Variants in CSMD1 observed in about 807,000 individuals in gnomAD.
The protein encoded by CSMD1 is CUB and sushi domain-containing protein 1.
Under a neutral mutation model 417.5 loss-of-function variants are expected in CSMD1, and 213 were observed. That is an observed-to-expected ratio of 0.51 (90% CI 0.46 to 0.57). The LOEUF (loss-of-function observed/expected upper bound fraction) is 0.57, where lower values mean the gene tolerates loss of function less well. CSMD1 is among the 20% of genes least tolerant of loss of function. The pLI is 0.00. For missense variants in CSMD1, 6,923 were observed against 4,529.7 expected, an observed-to-expected ratio of 1.53 and a Z score of -15.17; for synonymous variants, 2,862 against 1,736.8, an observed-to-expected ratio of 1.65 and a Z score of -16.11.
chr8:4,502,670 G>A (rs1483184708), intron 2 of CSMD1, among the ~76,000 whole-genome samples: 1 of 152,056 alleles, frequency 6.6e-6, no homozygotes, highest in Non-Finnish European at 1.5e-5. Flanking sequence ...AGCATTTCTT[G>A]TTGAGTTTTC....
chr8:3,156,924 A>G (rs1463954681), intron 39 of CSMD1, among the ~76,000 whole-genome samples: 1 of 147,608 alleles, frequency 6.8e-6, no homozygotes, highest in Non-Finnish European at 1.5e-5. Context: ...AGGAGTGAGA[A>G]GTCACTTGGA....
chr8:4,698,774 C>T (rs1036063819), intron 1 of CSMD1, among the ~76,000 whole-genome samples: 3 of 151,954 alleles, frequency 2.0e-5, no homozygotes, highest in African/African-American at 7.2e-5. Flanking sequence ...AAAAATTCCA[C>T]CATATAAAAA....
intron 5 of CSMD1, among the ~76,000 whole-genome samples, chr8:3,896,887 C>T (rs1249467262): frequency 6.6e-6 from 1 of 151,934 alleles, no homozygotes; most frequent in Non-Finnish European, 1.5e-5. Context: ...TCACCTAATT[C>T]TATTTGATGT....
chr8:4,412,927 T>C (rs922787186), intron 3 of CSMD1, among the ~76,000 whole-genome samples: 3 of 152,290 alleles, frequency 2.0e-5, no homozygotes, highest in East Asian at 1.9e-4. Flanking sequence ...AAAAGAAAAG[T>C]TGACGCCTCA....
intron 37 of CSMD1, among the ~76,000 whole-genome samples, chr8:3,174,059 G>C (rs943331885): frequency 2.6e-5 from 4 of 152,286 alleles, no homozygotes; most frequent in African/African-American, 7.2e-5. Context: ...GTGAAAACAA[G>C]AATTAAGGAA....
chr8:3,473,780 G>A lies in CSMD1; in HGVS notation c.1449-4956C>T, dbSNP rs534408117. 9.2e-5 allele frequency among the ~76,000 whole-genome samples: 14 copies of A among 152,228 alleles called. No homozygotes were observed. The South Asian group carries it at 2.9e-3, about 32-fold the overall frequency. On this transcript the variant is annotated intron_variant, in intron 11 of 69. Coordinates refer to ENST00000635120, the MANE Select transcript of CSMD1 (RefSeq NM_033225.6). Reference sequence around the variant, plus strand: ...TATCAGTCTACTCTCACACTGCTATGAAGATATTATCCAAGACCTAGAGAC... The same window carrying A: ...TATCAGTCTACTCTCACACTGCTATAAAGATATTATCCAAGACCTAGAGAC...
chr8:4,493,950 G>C (rs150045123), intron 2 of CSMD1, among the ~76,000 whole-genome samples: 1 of 152,062 alleles, frequency 6.6e-6, no homozygotes, highest in Non-Finnish European at 1.5e-5. Context: ...TGGTTAAAAA[G>C]GTCAACTTGG....
intron 46 of CSMD1, 39 bp from the exon 47 acceptor site, chr8:3,097,076 A>C: frequency 1.4e-6 from 2 of 1,437,566 alleles, no homozygotes; most frequent in Non-Finnish European, 1.9e-6. Context: ...GCTTTAATAA[A>C]ATGATTCCAA....
At chr8:3,300,801 CAA>C in intron 25 of CSMD1, among the ~76,000 whole-genome samples, 1 of 148,452 alleles carries the variant, frequency 6.7e-6, no homozygotes, top group South Asian at 2.1e-4. Flanking sequence ...ACTAAAAATA[CAA>C]AAAAAATTAG....
chr8:4,203,828 C>G (rs899427900), intron 3 of CSMD1, among the ~76,000 whole-genome samples: 1 of 152,096 alleles, frequency 6.6e-6, no homozygotes, highest in Admixed American at 6.5e-5. Flanking sequence ...GGTCAGGAGT[C>G]ATGGCTCATA....
At chr8:4,318,240 G>A (rs903938648) in intron 3 of CSMD1, among the ~76,000 whole-genome samples, 11 of 152,046 alleles carry the variant, frequency 7.2e-5, no homozygotes, top group African/African-American at 2.2e-4. Context: ...TGTCACTGTA[G>A]AAAGAAATGA....
intron 23 of CSMD1, among the ~76,000 whole-genome samples, chr8:3,311,991 A>C (rs1446125374): frequency 6.6e-6 from 1 of 152,220 alleles, no homozygotes; most frequent in African/African-American, 2.4e-5. Context: ...CAAAGTTCTA[A>C]AATCCAAAAA....
At chr8:4,638,332 A>T (rs534235861) in intron 1 of CSMD1, among the ~76,000 whole-genome samples, 2 of 152,196 alleles carry the variant, frequency 1.3e-5, no homozygotes, top group Admixed American at 6.5e-5. Context: ...GAATAGTTAG[A>T]AAAAAACAAG....
chr8:4,834,752 C>G (rs187111052), intron 1 of CSMD1, among the ~76,000 whole-genome samples: 1,556 of 151,416 alleles, frequency 0.01, 6 homozygotes, highest in Non-Finnish European at 0.015. Context: ...ATCAGGAGAT[C>G]GAGACCATCC....
At chr8:3,873,054 C>G (rs1040132165) in intron 5 of CSMD1, among the ~76,000 whole-genome samples, 1 of 151,992 alleles carries the variant, frequency 6.6e-6, no homozygotes, top group African/African-American at 2.4e-5. Context: ...CAAACAACAA[C>G]AGATGCTGGC....
intron 2 of CSMD1, among the ~76,000 whole-genome samples, chr8:4,454,071 C>G (rs986133065): frequency 6.6e-6 from 1 of 152,078 alleles, no homozygotes; most frequent in Non-Finnish European, 1.5e-5. Context: ...ATCCGCCCGC[C>G]TCGGCCTCCC....
chr8:3,847,626 C>T (rs917285212), intron 5 of CSMD1, among the ~76,000 whole-genome samples: 2 of 152,062 alleles, frequency 1.3e-5, no homozygotes, highest in South Asian at 2.1e-4. Context: ...CCGATGGAGC[C>T]CCGAGAAAAC....
chr8:4,133,758 C>T (rs1171325106), intron 3 of CSMD1, among the ~76,000 whole-genome samples: 6 of 151,940 alleles, frequency 3.9e-5, no homozygotes, highest in Admixed American at 3.9e-4. Flanking sequence ...ATTTTATATC[C>T]CTGATAATCT....
intron 7 of CSMD1, among the ~76,000 whole-genome samples, chr8:3,662,232 G>A (rs1798457805): frequency 6.6e-6 from 1 of 152,194 alleles, no homozygotes. Context: ...AACACAGTAT[G>A]TTCAACTATG....
Sources: allele counts gnomAD v4.1 joint callset (sites outside exome capture counted in the v4.1 genomes callset), GRCh38; gene constraint gnomAD v4.1.1; transcripts MANE v1.5; gene names NCBI Gene and HGNC (gene_info 2026-07-23, HGNC 2026-07-21).